GALNTL5: variants seen among roughly 807,000 people sequenced by gnomAD.
GALNTL5 encodes the protein inactive polypeptide N-acetylgalactosaminyltransferase-like protein 5.
A neutral mutation model predicts 51.0 loss-of-function variants in GALNTL5; 44 were observed. The observed-to-expected ratio is 0.86, with a 90% CI of 0.68 to 1.11. GALNTL5 has a LOEUF of 1.11. Among genes scored for constraint, GALNTL5 ranks in the 50% least tolerant of loss-of-function variants. The pLI is 0.00. For missense variants in GALNTL5, 528 were observed against 531.8 expected, an observed-to-expected ratio of 0.99 and a Z score of 0.07; for synonymous variants, 192 against 182.8, an observed-to-expected ratio of 1.05 and a Z score of -0.41.
At chr7:151,984,981 C>T (rs2081341970) in intron 4 of GALNTL5, among the ~76,000 whole-genome samples, 1 of 152,144 alleles carries the variant, frequency 6.6e-6, no homozygotes, top group South Asian at 2.1e-4. Context: ...AACTGGGTGG[C>T]TTAAACAACA....
chr7:151,962,436 C>CTTTTTTTTTTTTTTTTTTTTTTTTTTTTT lies in GALNTL5; in HGVS notation c.-39-4757_-39-4756insTTTTTTTTTTTTTTTTTTTTTTTTTTTTT, dbSNP rs61210832. 1.7e-5 allele frequency among the ~76,000 whole-genome samples: 2 copies of CTTTTTTTTTTTTTTTTTTTTTTTTTTTTT among 116,232 alleles called. 1 individual carries two copies. The highest frequency in any genetic ancestry group is 3.5e-5 in the Non-Finnish European group (2 of 57,332). The allele number at this position is 116,232 out of a possible 152,430, so 76.3% of individuals were successfully genotyped here. A position where few individuals can be genotyped will look rare whatever the true frequency, so the allele number is the denominator to read the frequency against. On this transcript the variant is annotated intron_variant, in intron 1 of 8. Coordinates refer to ENST00000392800, the MANE Select transcript of GALNTL5 (RefSeq NM_145292.4). The stretch of plus-strand genomic sequence containing the variant: ...AAAAAAGTCTGTGTGATTTTTTTTT[C>CTTTTTTTTTTTTTTTTTTTTTTTTTTTTT]TTTTTTTTTTTTTTTGGTTAATGCA...
At chr7:151,962,436 C>CTTTTTTTTTTTTTTTTTTTTTTT (rs61210832) in intron 1 of GALNTL5, among the ~76,000 whole-genome samples, 8 of 116,240 alleles carry the variant, frequency 6.9e-5, no homozygotes, top group Non-Finnish European at 1.0e-4. Flanking sequence ...ATTTTTTTTT[C>CTTTTTTTTTTTTTTTTTTTTTTT]TTTTTTTTTT....
At chr7:151,991,070 T>C (rs931860066) in intron 5 of GALNTL5, among the ~76,000 whole-genome samples, 1 of 151,480 alleles carries the variant, frequency 6.6e-6, no homozygotes, top group African/African-American at 2.5e-5. Flanking sequence ...GCGATCATGA[T>C]GATACTGTTC....
At chr7:152,015,817 C>A (rs906076755) in intron 8 of GALNTL5, among the ~76,000 whole-genome samples, 1 of 152,116 alleles carries the variant, frequency 6.6e-6, no homozygotes, top group Non-Finnish European at 1.5e-5. Flanking sequence ...GTGCATTTCC[C>A]CAGGAGTTAA....
At chr7:151,972,177 A>G (rs1398599901) in intron 3 of GALNTL5, among the ~76,000 whole-genome samples, 1 of 152,218 alleles carries the variant, frequency 6.6e-6, no homozygotes, top group East Asian at 1.9e-4. Flanking sequence ...TGGCTTTGGT[A>G]AAAATGCTGA....
chr7:151,965,247 T>C (rs112106868), intron 1 of GALNTL5, among the ~76,000 whole-genome samples: 13 of 152,298 alleles, frequency 8.5e-5, no homozygotes, highest in African/African-American at 2.6e-4. Context: ...TCTTTCCAAA[T>C]TGTTACCACA....
chr7:152,010,107 C>T (rs374359389), intron 7 of GALNTL5, among the ~76,000 whole-genome samples: 22 of 151,302 alleles, frequency 1.5e-4, no homozygotes, highest in East Asian at 5.8e-4. Flanking sequence ...GCACACAATA[C>T]GAAAGTGGCT....
At chr7:151,959,689 G>T (rs1323321350) in intron 1 of GALNTL5, among the ~76,000 whole-genome samples, 1 of 152,188 alleles carries the variant, frequency 6.6e-6, no homozygotes, top group Non-Finnish European at 1.5e-5. Context: ...GCTCCTTTGG[G>T]AACACTCTCC....
At chr7:152,003,099 A>G in intron 6 of GALNTL5, 136 bp downstream of exon 6, 2 of 693,268 alleles carry the variant, frequency 2.9e-6, no homozygotes, top group South Asian at 3.8e-5. Flanking sequence ...GAAGTCTTTA[A>G]TACAGTAATA....
rs764108135 is a variant in GALNTL5 at position 152,002,962 on chromosome 7, C to A, written c.907C>A (p.Arg303=). 6.2e-7 allele frequency: 1 copy of A among 1,612,216 alleles called. No individual in the cohort carries two copies. The highest frequency in any genetic ancestry group is 8.5e-7 in the Non-Finnish European group (1 of 1,178,590). ...ACCAGAAGGATCTACTAAACCAATC[C>A]GGTGAGATTTCTTCTGGTTTTGGAA... ...DGPEGSTKPI[R]SPAMSGGIFA... is the part of the protein sequence containing the mutation. The change falls in exon 6 of 9, where the codon CGG becomes AGG. Residue 303 remains arginine, a splice_region_variant and synonymous_variant. Transcript: ENST00000392800.
At chr7:152,015,501 A>G (rs1414444814) in intron 8 of GALNTL5, among the ~76,000 whole-genome samples, 1 of 152,000 alleles carries the variant, frequency 6.6e-6, no homozygotes. Context: ...CTGGGACTAC[A>G]GGCGCATACC....
chr7:152,004,878 T>C (rs548506806), intron 6 of GALNTL5, among the ~76,000 whole-genome samples: 7 of 152,250 alleles, frequency 4.6e-5, no homozygotes, highest in Admixed American at 6.5e-5. Context: ...GTTGATCCCA[T>C]GACTTTACAG....
At chr7:152,007,744 A>T in intron 6 of GALNTL5, 83 bp from the exon 7 acceptor site, 3 of 851,730 alleles carry the variant, frequency 3.5e-6, no homozygotes, top group Non-Finnish European at 4.0e-6. Context: ...ACTATAAGTT[A>T]TTACTAATTT....
intron 1 of GALNTL5, among the ~76,000 whole-genome samples, chr7:151,965,269 G>A (rs900217960): frequency 6.6e-6 from 1 of 152,074 alleles, no homozygotes; most frequent in African/African-American, 2.4e-5. Flanking sequence ...GTCCAATAAC[G>A]TTCTCGCCTC....
In GALNTL5 at chr7:151,967,405, T is replaced by G. The variant is rs752131713; in HGVS notation, c.159T>G (p.His53Gln). 2 of 1,614,110 alleles carry G rather than the reference T, an allele frequency of 1.2e-6. No homozygotes were observed. The change falls in exon 2 of 9, where the codon CAT becomes CAG. Residue 53 changes from histidine (H) to glutamine (Q), a missense_variant. His to Gln is a conservative substitution (Grantham distance 24). Transcript: ENST00000392800. ...CTTGGTCCCCTGGAAAAAAAGTGCA[T>G]CAGCAAATTATCTATGGCTCAGAGC... The part of the protein sequence containing the change: ...LSAWSPGKKV[H>Q]QQIIYGSEQI...
chr7:151,979,249 A>G lies in GALNTL5; in HGVS notation c.369-3737A>G, dbSNP rs1031070404. Among the ~76,000 whole-genome samples, 55 of 148,052 alleles carry G rather than the reference A, an allele frequency of 3.7e-4. 1 individual carries two copies. Among genetic ancestry groups the G allele is most frequent in the African/African-American group, 1.4e-3 (55 of 39,978 alleles). ...CTCAGCCTCCCAAGTAGCTGGGACC[A>G]CAGGTGCCCGCCACCACGCCCAGCT... On this transcript the variant is annotated intron_variant, in intron 3 of 8. Coordinates refer to ENST00000392800, the MANE Select transcript of GALNTL5 (RefSeq NM_145292.4).
At chr7:151,994,913 C>A (rs1277682737) in intron 5 of GALNTL5, 1 of 152,262 alleles carries the variant, frequency 6.6e-6, no homozygotes, top group Non-Finnish European at 1.5e-5. Context: ...CCTACCACCA[C>A]GCCCGGCTAA....
intron 8 of GALNTL5, among the ~76,000 whole-genome samples, chr7:152,017,416 A>C (rs951708216): frequency 8.5e-5 from 13 of 152,208 alleles, no homozygotes; most frequent in Non-Finnish European, 1.6e-4. Context: ...CTGAAACTTC[A>C]TCACGTGGTA....
intron 3 of GALNTL5, among the ~76,000 whole-genome samples, chr7:151,978,123 G>A (rs888635903): frequency 9.9e-5 from 15 of 151,650 alleles, no homozygotes; most frequent in South Asian, 2.1e-4. Context: ...TTATTTTACC[G>A]CTTTGTGGTA....
Sources: allele counts gnomAD v4.1 joint callset (sites outside exome capture counted in the v4.1 genomes callset), GRCh38; gene constraint gnomAD v4.1.1; transcripts MANE v1.5; gene names NCBI Gene and HGNC (gene_info 2026-07-23, HGNC 2026-07-21).